Variants in ASB1 observed in about 807,000 individuals in gnomAD.
The protein encoded by ASB1 is ankyrin repeat and SOCS box protein 1.
In ASB1, 18 loss-of-function variants were observed where a neutral mutation model predicts 27.7. The observed-to-expected ratio is 0.65, with a 90% CI of 0.45 to 0.96. ASB1 has a LOEUF of 0.96. Among genes scored for constraint, ASB1 ranks in the 50% least tolerant of loss-of-function variants. The pLI, the probability that ASB1 is intolerant of heterozygous loss-of-function variation, is 0.00. For synonymous variants in ASB1, 189 were observed against 187.6 expected, an observed-to-expected ratio of 1.01 and a Z score of -0.06; for missense variants, 397 against 451.7, an observed-to-expected ratio of 0.88 and a Z score of 1.10.
intron 2 of ASB1, among the ~76,000 whole-genome samples, 191 bp from the exon 3 acceptor site, chr2:238,435,520 C>A (rs781612365): frequency 2.0e-5 from 3 of 152,134 alleles, no homozygotes; most frequent in Admixed American, 6.5e-5. Context: ...GAATGGGGCT[C>A]GTAATGCCTG....
rs1251095487 is a variant in ASB1, at chr2:238,427,024, C to G, written c.-47C>G. 4 of 1,234,782 alleles carry G rather than the reference C, an allele frequency of 3.2e-6. No individual in the cohort carries two copies. The East Asian group carries it at 9.6e-5, about 30-fold the overall frequency. 76.5% of individuals were successfully genotyped at this position (1,234,782 alleles called of 1,614,324 possible). ...GTCGCGGGTCGTTCTGCTTCCTGCC[C>G]GAGGGGCGTGCGCGGGTCAGGGGCG... On this transcript the variant is annotated 5_prime_UTR_variant, in exon 1 of 5. Coordinates refer to ENST00000264607, the MANE Select transcript of ASB1 (RefSeq NM_001040445.3).
Position 238,444,572 on chromosome 2 carries a change from C to T in ASB1, c.725C>T (p.Ala242Val), listed in dbSNP as rs748348299. Residue 242 changes from alanine (A) to valine (V), a missense_variant, in exon 4 of 5, where the codon GCT becomes GTT. By Grantham distance (64) the Ala-to-Val change is moderately conservative. Coordinates refer to ENST00000264607, the MANE Select transcript of ASB1 (RefSeq NM_001040445.3). ...GGCTCCCCTGGGTGCGTCATGGATG[C>T]TGTTCTGCGCCACGGCTGTGAGGCA... The part of the protein sequence containing the change: ...YRGSPGCVMD[A>V]VLRHGCEAAF... The T allele has an allele frequency of 6.2e-7, 1 of 1,614,212 alleles. No homozygotes were observed. The highest frequency in any genetic ancestry group is 1.1e-5 in the South Asian group (1 of 91,084).
At chr2:238,429,937 CA>C (rs34241968) in intron 1 of ASB1, among the ~76,000 whole-genome samples, 64,419 of 132,500 alleles carry the variant, frequency 0.49, 15,338 homozygotes, top group Middle Eastern at 0.65. Flanking sequence ...GACTCCGTCT[CA>C]AAAAAAAAAA....
intron 3 of ASB1, among the ~76,000 whole-genome samples, chr2:238,436,228 T>C (rs1345272266): frequency 1.3e-5 from 2 of 152,126 alleles, no homozygotes; most frequent in African/African-American, 4.8e-5. Context: ...TTTTTAGTTT[T>C]TTTTCCCTTT....
rs753889598 is a variant in ASB1, at chr2:238,444,561, C to T, written c.714C>T (p.Cys238=). The T allele has an allele frequency of 9.3e-6, 15 of 1,614,190 alleles. No individual in the cohort carries two copies. The highest frequency in any genetic ancestry group is 5.3e-5 in the African/African-American group (4 of 75,054). The change falls in exon 4 of 5, where the codon TGC becomes TGT. Residue 238 remains cysteine, a synonymous_variant. Coordinates refer to ENST00000264607, the MANE Select transcript of ASB1 (RefSeq NM_001040445.3). ...GATTCTACAGGGGCTCCCCTGGGTG[C>T]GTCATGGATGCTGTTCTGCGCCACG... ...TQGFYRGSPG[C]VMDAVLRHGC... is the part of the protein sequence containing the mutation.
At chr2:238,442,177 A>G (rs1702090578) in intron 3 of ASB1, among the ~76,000 whole-genome samples, 1 of 148,688 alleles carries the variant, frequency 6.7e-6, no homozygotes, top group African/African-American at 2.5e-5. Context: ...GCTGGAGTGC[A>G]GTACCATCTC....
intron 3 of ASB1, among the ~76,000 whole-genome samples, chr2:238,439,101 CCAT>C (rs1483781603): frequency 6.6e-6 from 1 of 152,176 alleles, no homozygotes; most frequent in East Asian, 1.9e-4. Flanking sequence ...CAGAAAAAAA[CCAT>C]CACTGCTTGA....
chr2:238,451,033 T>A lies in ASB1; in HGVS notation c.*4522T>A. 1 of 151,302 alleles carries A rather than the reference T, an allele frequency of 6.6e-6. No individual in the cohort carries two copies. The highest frequency in any genetic ancestry group is 2.4e-5 in the African/African-American group (1 of 41,210). The allele number at this position is 151,302 out of a possible 1,614,324, so 9.4% of individuals were successfully genotyped here. On this transcript the variant is annotated 3_prime_UTR_variant, in exon 5 of 5. Transcript: ENST00000264607. ...GAACCTCTCAGTGTGGAATGAACGC[T>A]CCAAACCCGAACCTCTCAGTGTGGA...
intron 2 of ASB1, among the ~76,000 whole-genome samples, chr2:238,434,469 GC>G (rs1366587803): frequency 6.6e-6 from 1 of 152,228 alleles, no homozygotes; most frequent in Non-Finnish European, 1.5e-5. Flanking sequence ...AAATGCCAGT[GC>G]GGTGGTAGAA....
Position 238,444,341 on chromosome 2 carries a change from G to C in ASB1, c.495-1G>C. The C allele has an allele frequency of 6.3e-7, 1 of 1,599,766 alleles. No individual in the cohort carries two copies. Among genetic ancestry groups the C allele is most frequent in the Non-Finnish European group, 8.6e-7 (1 of 1,169,194 alleles). On this transcript the variant is annotated splice_acceptor_variant, in intron 3 of 4. Coordinates refer to ENST00000264607, the MANE Select transcript of ASB1 (RefSeq NM_001040445.3). LOFTEE classifies it high-confidence loss of function. ...TCTGACTTTCCCTTTCTTCCCTGCA[G>C]GTACGGGGCTGATGTTGACGTCAAC... is the stretch of plus-strand genomic sequence containing the variant.
rs1702260951 is a variant in ASB1, at chr2:238,450,448, G to A, written c.*3937G>A. ...AATGCTCTTGGTTGCAAAACAAAATGTTGGTTGCTGTTTGTCAGCCCCAGA... is the reference window on the plus strand; with the variant it reads ...AATGCTCTTGGTTGCAAAACAAAATATTGGTTGCTGTTTGTCAGCCCCAGA... On this transcript the variant is annotated 3_prime_UTR_variant, in exon 5 of 5. Coordinates refer to ENST00000264607, the MANE Select transcript of ASB1 (RefSeq NM_001040445.3). The A allele has an allele frequency of 6.6e-6, 1 of 152,244 alleles. No homozygotes were observed. Among genetic ancestry groups the A allele is most frequent in the Non-Finnish European group, 1.5e-5 (1 of 68,032 alleles). 9.4% of individuals were successfully genotyped at this position (152,244 alleles called of 1,614,324 possible). A position where few individuals can be genotyped will look rare whatever the true frequency, so the allele number is the denominator to read the frequency against.
Position 238,449,801 on chromosome 2 carries a change from TAGTA to T in ASB1, c.*3294_*3297del. The T allele has an allele frequency of 1.3e-5, 2 of 152,346 alleles. No homozygotes were observed. The highest frequency in any genetic ancestry group is 4.8e-5 in the African/African-American group (2 of 41,572). 9.4% of individuals were successfully genotyped at this position (152,346 alleles called of 1,614,324 possible). ...TTTAAAGAGAAGGAACAATTGTTTT[TAGTA>T]AGTTTTCTTTTTCCTTTTTCAATGA... On this transcript the variant is annotated 3_prime_UTR_variant, in exon 5 of 5. Coordinates refer to ENST00000264607, the MANE Select transcript of ASB1 (RefSeq NM_001040445.3).
intron 4 of ASB1, 53 bp from the exon 5 acceptor site, chr2:238,446,331 C>T: frequency 6.5e-7 from 1 of 1,531,870 alleles, no homozygotes; most frequent in South Asian, 1.3e-5. Flanking sequence ...CTCTCTATAA[C>T]TGGAATAGAA....
At chr2:238,437,241 A>T (rs1216646915) in intron 3 of ASB1, among the ~76,000 whole-genome samples, 4 of 148,868 alleles carry the variant, frequency 2.7e-5, no homozygotes, top group East Asian at 2.0e-4. Context: ...ATTTTATTTT[A>T]TTTTTTTTGA....
Position 238,446,717 on chromosome 2 carries a change from T to C in ASB1, c.*206T>C. ...AGCTGAGAGGCTTATACTAAAGTTA[T>C]TATTGTTTTTCCCAAGTTCTCTGTT... On this transcript the variant is annotated 3_prime_UTR_variant, in exon 5 of 5. Coordinates refer to ENST00000264607, the MANE Select transcript of ASB1 (RefSeq NM_001040445.3). 2 of 581,250 alleles carry C rather than the reference T, an allele frequency of 3.4e-6. No individual in the cohort carries two copies. Among genetic ancestry groups the C allele is most frequent in the Non-Finnish European group, 3.0e-6 (1 of 334,566 alleles). 36.0% of individuals were successfully genotyped at this position (581,250 alleles called of 1,614,324 possible).
rs1403459694 is a variant in ASB1 at position 238,427,018 on chromosome 2, C to G, written c.-53C>G. On this transcript the variant is annotated 5_prime_UTR_variant, in exon 1 of 5. Transcript: ENST00000264607. ...GAAGTGGTCGCGGGTCGTTCTGCTT[C>G]CTGCCCGAGGGGCGTGCGCGGGTCA... 2.4e-6 allele frequency: 3 copies of G among 1,228,260 alleles called. No individual in the cohort carries two copies. Among genetic ancestry groups the G allele is most frequent in the East Asian group, 3.2e-5 (1 of 31,026 alleles). The allele number at this position is 1,228,260 out of a possible 1,614,324, so 76.1% of individuals were successfully genotyped here.
rs572072029 is a variant in ASB1 at position 238,435,843 on chromosome 2, C to A, written c.324C>A (p.Asp108Glu). Residue 108 changes from aspartate (D) to glutamate (E), a missense_variant, in exon 3 of 5, where the codon GAC becomes GAA. Coordinates refer to ENST00000264607, the MANE Select transcript of ASB1 (RefSeq NM_001040445.3). The part of the protein sequence containing the change: ...IRKGAEVDLV[D>E]VKGQTALYVA... Reference sequence around the variant, plus strand: ...AGGGGGCCGAGGTGGATCTGGTGGACGTAAAAGGACAGACGGCCCTGTATG... The same window carrying A: ...AGGGGGCCGAGGTGGATCTGGTGGAAGTAAAAGGACAGACGGCCCTGTATG... The A allele has an allele frequency of 6.2e-7, 1 of 1,614,090 alleles. No homozygotes were observed. Among genetic ancestry groups the A allele is most frequent in the South Asian group, 1.1e-5 (1 of 91,090 alleles).
intron 3 of ASB1, among the ~76,000 whole-genome samples, chr2:238,439,751 T>C (rs972099872): frequency 9.9e-5 from 15 of 152,166 alleles, no homozygotes; most frequent in African/African-American, 3.6e-4. Context: ...TCCCCTCTTA[T>C]CAGGCTGCGT....
intron 1 of ASB1, chr2:238,433,318 G>T (rs1701905464): frequency 4.2e-6 from 2 of 478,226 alleles, no homozygotes; most frequent in Non-Finnish European, 7.6e-6. Context: ...TACAGACAGG[G>T]TATTGCTGTG....
Sources: gnomAD v4.1 joint callset for allele counts (sites outside exome capture counted in the v4.1 genomes callset) on GRCh38, gnomAD v4.1.1 for gene constraint, MANE v1.5 for transcripts, NCBI Gene and HGNC (gene_info 2026-07-23, HGNC 2026-07-21) for gene names.